Variants in BAZ1B observed in about 807,000 individuals in gnomAD.
BAZ1B encodes bromodomain adjacent to zinc finger domain 1B, also known as tyrosine-protein kinase BAZ1B.
Under a neutral mutation model 153.8 loss-of-function variants are expected in BAZ1B, and 22 were observed. That is an observed-to-expected ratio of 0.14 (90% confidence interval 0.10 to 0.20). The LOEUF (loss-of-function observed/expected upper bound fraction) is 0.20. Among genes scored for constraint, BAZ1B ranks in the 10% least tolerant of loss-of-function variants. BAZ1B has a pLI of 1.00. For missense variants in BAZ1B, 1,325 were observed against 1,799.3 expected (o/e 0.74, Z 4.77); for synonymous variants, 676 against 633.4 (o/e 1.07, Z -1.01).
chr7:73,445,370 G>A (rs1583882379), intron 16 of BAZ1B, among the ~76,000 whole-genome samples: 1 of 152,168 alleles, frequency 6.6e-6, no homozygotes, highest in Non-Finnish European at 1.5e-5. Flanking sequence ...ACCTTGAGCT[G>A]CACTGGGGAA....
intron 13 of BAZ1B, 98 bp from the exon 14 acceptor site, chr7:73,451,092 C>A: frequency 7.0e-7 from 1 of 1,424,620 alleles, no homozygotes; most frequent in Non-Finnish European, 9.5e-7. Context: ...TCTGAGGACA[C>A]TTGCCTCCTA....
At chr7:73,442,136 T>TACCCAACC in intron 19 of BAZ1B, 45 bp downstream of exon 19, 2 of 573,492 alleles carry the variant, frequency 3.5e-6, no homozygotes, top group Admixed American at 2.4e-5. Flanking sequence ...CTCGCTCGCC[T>TACCCAACC]CCCTCCCACC....
At chr7:73,514,553 G>A (rs1790716111) in intron 1 of BAZ1B, among the ~76,000 whole-genome samples, 1 of 150,316 alleles carries the variant, frequency 6.7e-6, no homozygotes, top group East Asian at 2.0e-4. Context: ...AAAAAAAACT[G>A]CATAGTGGCA....
At chr7:73,476,739 C>A in intron 7 of BAZ1B, 129 bp downstream of exon 7, 1 of 1,412,064 alleles carries the variant, frequency 7.1e-7, no homozygotes, top group Non-Finnish European at 9.4e-7. Context: ...AAAATACATA[C>A]CAATAGGTGC....
chr7:73,446,773 C>G (rs541971469), intron 16 of BAZ1B, among the ~76,000 whole-genome samples: 3 of 152,126 alleles, frequency 2.0e-5, no homozygotes, highest in Non-Finnish European at 4.4e-5. Flanking sequence ...TCCACCTAAG[C>G]CTTCAAATAA....
rs563068765 is a variant in BAZ1B, at chr7:73,451,351, A to C, written c.3433-357T>G. 9.8e-5 allele frequency among the ~76,000 whole-genome samples: 15 copies of C among 152,348 alleles called. No individual in the cohort carries two copies. The South Asian group carries it at 2.3e-3, about 23-fold the overall frequency. On this transcript the variant is annotated intron_variant, in intron 13 of 19. Transcript: ENST00000339594. Reference sequence around the variant, plus strand: ...AAAAGATAATCAATAACCTACCACAACACCACCAATCCAATACCACAGCTG... The same window carrying C: ...AAAAGATAATCAATAACCTACCACACCACCACCAATCCAATACCACAGCTG...
intron 13 of BAZ1B, among the ~76,000 whole-genome samples, chr7:73,456,741 A>C (rs1583892513): frequency 6.6e-6 from 1 of 151,968 alleles, no homozygotes; most frequent in African/African-American, 2.4e-5. Context: ...CAGGAGTTTG[A>C]GACCAGTCTG....
rs577502025 is a variant in BAZ1B, at chr7:73,503,778, C to T, written c.369+4549G>A. Among the ~76,000 whole-genome samples the T allele has an allele frequency of 4.6e-5, 7 of 152,264 alleles. No individual in the cohort carries two copies. The East Asian group carries it at 1.3e-3, about 29-fold the overall frequency. On this transcript the variant is annotated intron_variant, in intron 3 of 19. Coordinates refer to ENST00000339594, the MANE Select transcript of BAZ1B (RefSeq NM_032408.4). ...CCATCCTTCTCTACCTGGCTCTATG[C>T]TTAAATAGGCTGACCTTTACAGCCT...
chr7:73,459,402 AAC>A (rs1360392275), intron 13 of BAZ1B, 132 bp downstream of exon 13: 234 of 856,470 alleles, frequency 2.7e-4, no homozygotes, highest in Non-Finnish European at 3.3e-4. Context: ...AAAAAAAAAA[AAC>A]ACACACACAC....
At position 73,470,402 on chromosome 7, in the gene BAZ1B, G is replaced by A. The variant is rs1788755295; in HGVS notation, c.2675C>T (p.Ala892Val). 6.2e-7 allele frequency: 1 copy of A among 1,613,988 alleles called. No individual in the cohort carries two copies. Among genetic ancestry groups the A allele is most frequent in the South Asian group, 1.1e-5 (1 of 91,092 alleles). Residue 892 changes from alanine to valine, a missense_variant, in exon 8 of 20, where the codon GCC becomes GTC. Physicochemically the swap from Ala to Val is moderately conservative, Grantham distance 64. Transcript: ENST00000339594. ...CCTGCGCATGACTAGTTTGGCCTTG[G>A]CAATCCCTTCCTGGAAAGCTTTCTC... ...AAEKAFQEGI[A>V]KAKLVMRRTP...
At chr7:73,444,365 G>A (rs372554274) in intron 16 of BAZ1B, among the ~76,000 whole-genome samples, 1 of 152,184 alleles carries the variant, frequency 6.6e-6, no homozygotes, top group Non-Finnish European at 1.5e-5. Flanking sequence ...GCCCTTCAGA[G>A]GGCTAGGTCC....
chr7:73,499,425 C>T (rs1004491137), intron 3 of BAZ1B, among the ~76,000 whole-genome samples: 32 of 152,142 alleles, frequency 2.1e-4, no homozygotes, highest in African/African-American at 6.8e-4. Context: ...TACCTTTCCA[C>T]CTCTATCAAA....
intron 7 of BAZ1B, 120 bp from the exon 8 acceptor site, chr7:73,470,603 T>C: frequency 8.4e-7 from 1 of 1,186,726 alleles, no homozygotes; most frequent in Non-Finnish European, 1.2e-6. Flanking sequence ...CTTAGTTTGC[T>C]TTCTCTAATT....
At chr7:73,491,824 T>C (rs1554575509) in intron 5 of BAZ1B, among the ~76,000 whole-genome samples, 2 of 152,178 alleles carry the variant, frequency 1.3e-5, no homozygotes, top group Non-Finnish European at 2.9e-5. Context: ...GTCTTAGCTG[T>C]TTCTTCTGTA....
intron 1 of BAZ1B, among the ~76,000 whole-genome samples, chr7:73,511,472 T>C (rs1211334553): frequency 1.3e-5 from 2 of 151,888 alleles, no homozygotes; most frequent in African/African-American, 4.8e-5. Context: ...GAGACCAGCC[T>C]GGGCAACATG....
At position 73,466,364 on chromosome 7, in the gene BAZ1B, G is replaced by T. The variant is rs782565020; in HGVS notation, c.2904C>A (p.Asn968Lys). The T allele has an allele frequency of 2.7e-5, 44 of 1,613,842 alleles. No individual in the cohort carries two copies. Among genetic ancestry groups the T allele is most frequent in the Admixed American group, 6.7e-5 (4 of 59,990 alleles). Reference sequence around the variant, plus strand: ...CTTCTGTTGCTGTTCCATGTTGTGTGTTCATGCTTGCATTTTTACCTAAGT... The same window carrying T: ...CTTCTGTTGCTGTTCCATGTTGTGTTTTCATGCTTGCATTTTTACCTAAGT... ...KANLGKNASM[N>K]TQHGTATEVA... The change falls in exon 10 of 20, where the codon AAC (asparagine) becomes AAA (lysine). Residue 968 changes from asparagine to lysine, a missense_variant. This residue lies in a region of BAZ1B where 431 missense variants were observed against 563.5 expected (regional missense o/e 0.76). Transcript: ENST00000339594.
intron 1 of BAZ1B, among the ~76,000 whole-genome samples, chr7:73,520,878 A>G (rs934943601): frequency 2.0e-5 from 3 of 152,230 alleles, no homozygotes; most frequent in Non-Finnish European, 4.4e-5. Flanking sequence ...TTCAGTCACC[A>G]AAGAAATGCT....
intron 3 of BAZ1B, among the ~76,000 whole-genome samples, chr7:73,499,082 G>T (rs915212317): frequency 6.6e-6 from 1 of 152,198 alleles, no homozygotes; most frequent in Non-Finnish European, 1.5e-5. Context: ...CTGAAGTGCA[G>T]TGGTATGATC....
intron 1 of BAZ1B, among the ~76,000 whole-genome samples, chr7:73,511,779 G>A (rs1790588490): frequency 6.6e-6 from 1 of 151,272 alleles, no homozygotes. Context: ...CCAGAACTTT[G>A]GGAGTCCGAG....
Sources: gnomAD v4.1 joint callset for allele counts (sites outside exome capture counted in the v4.1 genomes callset) on GRCh38, gnomAD v4.1.1 for gene constraint, gnomAD v4.1.1 regional missense constraint, MANE v1.5 for transcripts, NCBI Gene and HGNC (gene_info 2026-07-23, HGNC 2026-07-21) for gene names.